The following SLC1A2 variants were observed in gnomAD, a reference collection of about 807,000 sequenced individuals.
SLC1A2 encodes excitatory amino acid transporter 2.
Under a neutral mutation model 48.8 loss-of-function variants are expected in SLC1A2, and 15 were observed. That is an observed-to-expected ratio of 0.31 (90% CI 0.21 to 0.47). The LOEUF (loss-of-function observed/expected upper bound fraction) is 0.47. Among genes scored for constraint, SLC1A2 ranks in the 20% least tolerant of loss-of-function variants. The probability of loss-of-function intolerance (pLI) is 0.99; values close to 1 mark genes in which losing one functional copy is unlikely to be tolerated. For synonymous variants in SLC1A2, 279 were observed against 272.6 expected (o/e 1.02, Z -0.23); for missense variants, 502 against 730.5 (o/e 0.69, Z 3.61).
chr11:35,306,372 G>T, intron 4 of SLC1A2, 130 bp from the exon 5 acceptor site: 5 of 627,144 alleles, frequency 8.0e-6, no homozygotes, highest in Non-Finnish European at 8.0e-6. Context: ...CCAAAACAAG[G>T]TTATGAAAAC....
At chr11:35,282,135 A>T (rs933071322) in intron 8 of SLC1A2, among the ~76,000 whole-genome samples, 2 of 151,970 alleles carry the variant, frequency 1.3e-5, no homozygotes, top group African/African-American at 4.8e-5. Flanking sequence ...CATCATTCCC[A>T]GGTTTAGGCC....
rs753221520 is a variant in SLC1A2 at position 35,312,236 on chromosome 11, G to A, written c.523C>T (p.Leu175Phe). 3.1e-6 allele frequency: 5 copies of A among 1,614,128 alleles called. No homozygotes were observed. The highest frequency in any genetic ancestry group is 4.2e-6 in the Non-Finnish European group (5 of 1,179,986). ...LDAFLDLIRN[L>F]FPENLVQACF... ...GCTTGGACAAGGTTTTCAGGGAAGA[G>A]ATTTCGAATAAGGTCCAGGAAGGCA... Residue 175 changes from leucine (L) to phenylalanine (F), a missense_variant, in exon 4 of 11, where the codon CTC becomes TTC. Physicochemically the swap from Leu to Phe is conservative, Grantham distance 22 (BLOSUM62 0). This residue lies in a region of SLC1A2 where 309 missense variants were observed against 480.3 expected (regional missense o/e 0.64). Transcript: ENST00000278379.
At chr11:35,291,543 T>C (rs982503006) in intron 7 of SLC1A2, 4 of 152,240 alleles carry the variant, frequency 2.6e-5, no homozygotes, top group African/African-American at 9.6e-5. Context: ...ATTACAAGCA[T>C]GAGCTACTGC....
At chr11:35,265,812 T>C in intron 9 of SLC1A2, 54 bp from the exon 10 acceptor site, 1 of 1,150,236 alleles carries the variant, frequency 8.7e-7, no homozygotes, top group Admixed American at 1.8e-5. Flanking sequence ...ATGTGGTAGT[T>C]GAGAGGTCAA....
At position 35,316,367 on chromosome 11, in the gene SLC1A2, G is replaced by A. The variant is rs552459040; in HGVS notation, c.157+1010C>T. Reference sequence around the variant, plus strand: ...TGAGGAAGGAGTAATGTGGCTGAAAGCCTGATTTTTTTTCTTCTGCAGGTA... The same window carrying A: ...TGAGGAAGGAGTAATGTGGCTGAAAACCTGATTTTTTTTCTTCTGCAGGTA... On this transcript the variant is annotated intron_variant, in intron 2 of 10. Coordinates refer to ENST00000278379, the MANE Select transcript of SLC1A2 (RefSeq NM_004171.4). 2.6e-5 allele frequency: 4 copies of A among 152,344 alleles called. No individual in the cohort carries two copies. The South Asian group carries it at 6.2e-4, about 24-fold the overall frequency. 9.4% of individuals were successfully genotyped at this position (152,344 alleles called of 1,614,324 possible).
intron 1 of SLC1A2, among the ~76,000 whole-genome samples, chr11:35,417,146 G>T (rs759432064): frequency 2.1e-4 from 32 of 152,138 alleles, no homozygotes; most frequent in Non-Finnish European, 3.8e-4. Context: ...TTAAATATAA[G>T]TTCCTCTGAT....
chr11:35,404,022 G>A, intron 1 of SLC1A2, among the ~76,000 whole-genome samples: 1 of 151,274 alleles, frequency 6.6e-6, no homozygotes, highest in Non-Finnish European at 1.5e-5. Flanking sequence ...AAGGCAGTGT[G>A]CCCTTTACCA....
chr11:35,385,949 C>T (rs535921542), intron 1 of SLC1A2, among the ~76,000 whole-genome samples: 4 of 152,126 alleles, frequency 2.6e-5, no homozygotes, highest in African/African-American at 7.2e-5. Context: ...GGGTGGATCA[C>T]GAGGTCAGGA....
At chr11:35,324,937 A>T (rs183106932) in intron 1 of SLC1A2, among the ~76,000 whole-genome samples, 4 of 152,270 alleles carry the variant, frequency 2.6e-5, no homozygotes. Flanking sequence ...GATCATCTCA[A>T]ATTGGGAACC....
chr11:35,265,349 TGCCATGTTA>T, intron 10 of SLC1A2, 169 bp downstream of exon 10: 1 of 572,536 alleles, frequency 1.7e-6, no homozygotes, highest in Non-Finnish European at 3.1e-6. Context: ...GTTGATTTCC[TGCCATGTTA>T]GACACAGAAT....
At chr11:35,376,864 C>T (rs1252239910) in intron 1 of SLC1A2, among the ~76,000 whole-genome samples, 3 of 152,162 alleles carry the variant, frequency 2.0e-5, no homozygotes, top group Non-Finnish European at 2.9e-5. Context: ...TGTCGCTATT[C>T]GACAAATTTC....
At chr11:35,289,245 T>C (rs1850918883) in intron 7 of SLC1A2, among the ~76,000 whole-genome samples, 1 of 152,098 alleles carries the variant, frequency 6.6e-6, no homozygotes, top group South Asian at 2.1e-4. Flanking sequence ...GTCTTTATTC[T>C]GTACAAGGGC....
chr11:35,334,066 C>T (rs1299118960), intron 1 of SLC1A2, among the ~76,000 whole-genome samples: 1 of 152,044 alleles, frequency 6.6e-6, no homozygotes, highest in Non-Finnish European at 1.5e-5. Context: ...AATTATGAAA[C>T]CTAGATCCCT....
intron 1 of SLC1A2, 44 bp downstream of exon 1, chr11:35,418,906 G>C: frequency 6.5e-7 from 1 of 1,541,236 alleles, no homozygotes; most frequent in Non-Finnish European, 8.8e-7. Flanking sequence ...ACCACCCCGC[G>C]CGTGACCCCG....
At chr11:35,333,356 G>A (rs1282575996) in intron 1 of SLC1A2, among the ~76,000 whole-genome samples, 1 of 151,502 alleles carries the variant, frequency 6.6e-6, no homozygotes, top group Admixed American at 6.6e-5. Flanking sequence ...GGCGGAGGCA[G>A]CAGTGAGCTA....
intron 10 of SLC1A2, chr11:35,261,642 C>T (rs1950395687): frequency 1.0e-5 from 4 of 398,474 alleles, no homozygotes; most frequent in South Asian, 1.3e-4. Flanking sequence ...GTTTTCCCCT[C>T]CACTTCTAAG....
At chr11:35,268,546 T>A (rs1850174180) in intron 9 of SLC1A2, among the ~76,000 whole-genome samples, 1 of 151,408 alleles carries the variant, frequency 6.6e-6, no homozygotes. Context: ...GCACCTATAA[T>A]CCCAGATACT....
At chr11:35,273,661 C>T (rs2134649846) in intron 9 of SLC1A2, among the ~76,000 whole-genome samples, 1 of 152,178 alleles carries the variant, frequency 6.6e-6, no homozygotes, top group South Asian at 2.1e-4. Flanking sequence ...CTTTTTGCAC[C>T]TAGGAGGCTC....
intron 2 of SLC1A2, 145 bp downstream of exon 2, chr11:35,317,230 TCA>T: frequency 1.4e-6 from 1 of 707,894 alleles, no homozygotes; most frequent in Non-Finnish European, 2.3e-6. Context: ...GAAAATTATA[TCA>T]CTGAAGCCTG....
Sources: gnomAD v4.1 joint callset for allele counts (sites outside exome capture counted in the v4.1 genomes callset) on GRCh38, gnomAD v4.1.1 for gene constraint, gnomAD v4.1.1 regional missense constraint, MANE v1.5 for transcripts, NCBI Gene and HGNC (gene_info 2026-07-23, HGNC 2026-07-21) for gene names.